Variants in NAALADL2 observed in about 807,000 individuals in gnomAD.
NAALADL2 encodes the protein inactive N-acetylated-alpha-linked acidic dipeptidase-like protein 2.
A neutral mutation model predicts 87.2 loss-of-function variants in NAALADL2; 76 were observed. That is an observed-to-expected ratio of 0.87 (90% CI 0.72 to 1.05). The LOEUF is 1.05. NAALADL2 is among the 50% of genes least tolerant of loss of function. The pLI is 0.00. For synonymous variants in NAALADL2, 354 were observed against 331.0 expected, an observed-to-expected ratio of 1.07 and a Z score of -0.75; for missense variants, 1,089 against 945.8, an observed-to-expected ratio of 1.15 and a Z score of -1.99.
intron 3 of NAALADL2, among the ~76,000 whole-genome samples, chr3:174,786,164 A>G (rs1716614798): frequency 6.6e-6 from 1 of 152,120 alleles, no homozygotes; most frequent in Admixed American, 6.6e-5. Flanking sequence ...TGAAAAAGTA[A>G]AATTGGCCAG....
At chr3:175,569,629 C>T (rs1197514723) in intron 9 of NAALADL2, among the ~76,000 whole-genome samples, 2 of 152,090 alleles carry the variant, frequency 1.3e-5, no homozygotes, top group Non-Finnish European at 2.9e-5. Flanking sequence ...ATCTCTCTCT[C>T]TCTCTTTCTG....
At chr3:174,697,469 C>A (rs1027213507) in intron 2 of NAALADL2, among the ~76,000 whole-genome samples, 4 of 152,042 alleles carry the variant, frequency 2.6e-5, no homozygotes, top group African/African-American at 9.7e-5. Context: ...AGTTCAGCTT[C>A]CTGAAAGGTT....
At chr3:175,103,122 G>A (rs993433592) in intron 2 of NAALADL2, among the ~76,000 whole-genome samples, 9 of 109,442 alleles carry the variant, frequency 8.2e-5, no homozygotes, top group Non-Finnish European at 6.0e-5. Flanking sequence ...AAAAAAAAAA[G>A]TTTTAAATTA....
At chr3:175,164,024 C>T (rs780681325) in intron 2 of NAALADL2, among the ~76,000 whole-genome samples, 7 of 152,112 alleles carry the variant, frequency 4.6e-5, no homozygotes, top group Admixed American at 1.3e-4. Context: ...CAGATTTGCA[C>T]GCTTATGTAG....
chr3:175,750,015 T>C (rs1746434533), intron 12 of NAALADL2, among the ~76,000 whole-genome samples: 1 of 152,214 alleles, frequency 6.6e-6, no homozygotes, highest in African/African-American at 2.4e-5. Flanking sequence ...ATATATTGTG[T>C]TAAGTTCCTT....
At chr3:174,987,589 A>C (rs1451451236) in intron 1 of NAALADL2, among the ~76,000 whole-genome samples, 1 of 141,214 alleles carries the variant, frequency 7.1e-6, no homozygotes, top group Non-Finnish European at 1.5e-5. Context: ...AAAAAAAAAA[A>C]AAAAAAAAAC....
chr3:174,975,876 G>A (rs1744292737), intron 1 of NAALADL2, among the ~76,000 whole-genome samples: 1 of 152,112 alleles, frequency 6.6e-6, no homozygotes, highest in African/African-American at 2.4e-5. Context: ...GCTTAGAAGA[G>A]GACTCCTAAG....
upstream of NAALADL2, among the ~76,000 whole-genome samples, chr3:174,857,946 T>C (rs1019340656): frequency 9.2e-5 from 14 of 151,822 alleles, no homozygotes; most frequent in African/African-American, 3.1e-4. Context: ...TTCTGTACTT[T>C]ACACAACTTA....
intron 1 of NAALADL2, among the ~76,000 whole-genome samples, chr3:174,477,494 A>G (rs1299785219): frequency 1.3e-5 from 2 of 152,188 alleles, no homozygotes; most frequent in African/African-American, 4.8e-5. Context: ...AGAGACTGAC[A>G]ACTTAGAATC....
chr3:174,997,001 T>G (rs1026013634), intron 1 of NAALADL2, among the ~76,000 whole-genome samples: 12 of 81,262 alleles, frequency 1.5e-4, no homozygotes, highest in Middle Eastern at 9.1e-3. Flanking sequence ...GGGGTGTGTG[T>G]GTGTGTGTGT....
chr3:174,465,001 A>G (rs960940664), intron 1 of NAALADL2, among the ~76,000 whole-genome samples: 1 of 152,072 alleles, frequency 6.6e-6, no homozygotes, highest in African/African-American at 2.4e-5. Context: ...AGGCCTAAAA[A>G]CTTTGGTATC....
chr3:174,854,839 T>TC (rs1165336657), upstream of NAALADL2, among the ~76,000 whole-genome samples: 15 of 142,794 alleles, frequency 1.1e-4, no homozygotes, highest in Non-Finnish European at 1.8e-4. Context: ...TTTTTTCTTT[T>TC]TTTTTTTTTT....
intron 2 of NAALADL2, among the ~76,000 whole-genome samples, chr3:175,190,698 C>T (rs942658924): frequency 2.9e-4 from 44 of 152,154 alleles, no homozygotes; most frequent in Admixed American, 2.1e-3. Flanking sequence ...CAATATGGGC[C>T]GGGCGCGGTG....
intron 2 of NAALADL2, among the ~76,000 whole-genome samples, chr3:175,130,110 G>T (rs1727584917): frequency 6.6e-6 from 1 of 151,916 alleles, no homozygotes; most frequent in South Asian, 2.1e-4. Context: ...TATCTTTTTT[G>T]GAGAAATGTC....
intron 3 of NAALADL2, among the ~76,000 whole-genome samples, chr3:174,848,728 C>T (rs1292224736): frequency 2.0e-5 from 3 of 152,144 alleles, no homozygotes; most frequent in Admixed American, 2.0e-4. Flanking sequence ...TCATGCGTCA[C>T]TTAATAATGG....
intron 2 of NAALADL2, among the ~76,000 whole-genome samples, chr3:175,115,858 C>A (rs941883002): frequency 6.6e-6 from 1 of 151,894 alleles, no homozygotes; most frequent in Non-Finnish European, 1.5e-5. Context: ...CAAACCGAAT[C>A]CAGCAGCACA....
chr3:174,684,167 A>T (rs1157721805), intron 2 of NAALADL2, among the ~76,000 whole-genome samples: 1 of 152,062 alleles, frequency 6.6e-6, no homozygotes, highest in African/African-American at 2.4e-5. Context: ...ATTAAAATCT[A>T]AAAATTTAAA....
chr3:175,481,433 C>T (rs1465497960), intron 9 of NAALADL2, among the ~76,000 whole-genome samples: 1 of 151,050 alleles, frequency 6.6e-6, no homozygotes, highest in African/African-American at 2.4e-5. Flanking sequence ...AAAGCTACTG[C>T]TTCAAAATGC....
At chr3:175,092,591 A>G (rs1321039575) in intron 1 of NAALADL2, among the ~76,000 whole-genome samples, 1 of 151,940 alleles carries the variant, frequency 6.6e-6, no homozygotes, top group Admixed American at 6.6e-5. Context: ...CATATAATTT[A>G]CTTTGTTTAA....
Sources: allele counts gnomAD v4.1 joint callset (sites outside exome capture counted in the v4.1 genomes callset), GRCh38; gene constraint gnomAD v4.1.1; transcripts MANE v1.5; gene names NCBI Gene and HGNC (gene_info 2026-07-23, HGNC 2026-07-21).